ZNF512: variants seen among roughly 807,000 people sequenced by gnomAD.
ZNF512 encodes zinc finger protein 512.
ZNF512 carries 25 observed loss-of-function variants against 77.5 expected under a neutral mutation model. That is an observed-to-expected ratio of 0.32 (90% CI 0.23 to 0.45). The LOEUF is 0.45. Ranked by LOEUF, ZNF512 falls within the 20% of genes least tolerant of loss-of-function variation. The pLI, the probability that ZNF512 is intolerant of heterozygous loss-of-function variation, is 1.00. For synonymous variants in ZNF512, 246 were observed against 239.9 expected (o/e 1.03, Z -0.24); for missense variants, 483 against 692.6 (o/e 0.70, Z 3.40).
intron 2 of ZNF512, among the ~76,000 whole-genome samples, chr2:27,588,046 C>T (rs1431381817): frequency 6.6e-6 from 1 of 151,736 alleles, no homozygotes; most frequent in East Asian, 1.9e-4. Flanking sequence ...CATTTTTGTC[C>T]ATTAAAAAAA....
intron 2 of ZNF512, among the ~76,000 whole-genome samples, chr2:27,586,855 A>AT (rs1453837176): frequency 6.6e-6 from 1 of 152,038 alleles, no homozygotes; most frequent in African/African-American, 2.4e-5. Flanking sequence ...GTATGTTCTC[A>AT]TTTTTTTCAT....
chr2:27,599,942 T>G, intron 4 of ZNF512, 28 bp from the exon 5 acceptor site: 1 of 1,613,504 alleles, frequency 6.2e-7, no homozygotes, highest in East Asian at 2.2e-5. Flanking sequence ...GGTGACATGC[T>G]GGGCTTCAAG....
rs1275515797 is a variant in ZNF512, at chr2:27,617,390, T to C, written c.1297-83T>C. The stretch of plus-strand genomic sequence containing the variant: ...TTTGCTGAAGTAGAATTCCCTCTTT[T>C]CATCTCTAACAATCCCTACACATAG... On this transcript the variant is annotated intron_variant, in intron 12 of 13. Transcript: ENST00000355467. 5.5e-6 allele frequency: 4 copies of C among 720,980 alleles called. No homozygotes were observed. In the African/African-American group the frequency reaches 7.1e-5, roughly 13 times the overall value. The allele number at this position is 720,980 out of a possible 1,614,324, so 44.7% of individuals were successfully genotyped here. A position where few individuals can be genotyped will look rare whatever the true frequency, so the allele number is the denominator to read the frequency against.
intron 13 of ZNF512, among the ~76,000 whole-genome samples, chr2:27,620,075 ATATAATTTAAAATTTTC>A (rs1372260726): frequency 6.6e-6 from 1 of 152,174 alleles, no homozygotes; most frequent in East Asian, 1.9e-4. Flanking sequence ...TGAGCCATGT[ATATAATTTAAAATTTTC>A]TAGTAGCCAC....
chr2:27,599,730 C>T (rs1354536049), intron 4 of ZNF512, 52 bp downstream of exon 4: 1 of 1,525,386 alleles, frequency 6.6e-7, no homozygotes, highest in Admixed American at 1.7e-5. Context: ...GAGCTTTATT[C>T]TTTGAGGGTA....
At chr2:27,592,667 C>CTTTTCTT (rs1671642852) in intron 2 of ZNF512, among the ~76,000 whole-genome samples, 2 of 81,558 alleles carry the variant, frequency 2.5e-5, no homozygotes, top group Non-Finnish European at 4.7e-5. Context: ...CCATGTTTAC[C>CTTTTCTT]TTTTTTTTTT....
intron 10 of ZNF512, 83 bp downstream of exon 10, chr2:27,608,122 G>A: frequency 3.1e-6 from 4 of 1,306,644 alleles, no homozygotes; most frequent in Admixed American, 3.0e-5. Flanking sequence ...ATGCACTTGA[G>A]GAAGTACGTG....
At position 27,583,065 on chromosome 2, in the gene ZNF512, G is replaced by C; in HGVS notation, c.-48G>C. The C allele has an allele frequency of 1.9e-6, 3 of 1,613,364 alleles. No homozygotes were observed. The highest frequency in any genetic ancestry group is 2.5e-6 in the Non-Finnish European group (3 of 1,179,310). ...GGAGAGGAGAGCGGAAGTGGCGTTG[G>C]TCTGGCCGGAGCCCTTGGGTGAAAT... On this transcript the variant is annotated 5_prime_UTR_variant, in exon 1 of 14. Coordinates refer to ENST00000355467, the MANE Select transcript of ZNF512 (RefSeq NM_032434.4).
Position 27,600,728 on chromosome 2 carries a change from T to G in ZNF512, c.495T>G (p.Asp165Glu), listed in dbSNP as rs1267313175. The change falls in exon 6 of 14, where the codon GAT (aspartate) becomes GAG (glutamate). Residue 165 changes from aspartate to glutamate, a missense_variant. Transcript: ENST00000355467. The stretch of plus-strand genomic sequence containing the variant: ...AGCAATGGTACTTAGAAATCGTTGA[T>G]AAAGGCAGTGTCTCCTGCCCTACCT... ...LEEQWYLEIV[D>E]KGSVSCPTCQ... 6.2e-7 allele frequency: 1 copy of G among 1,613,862 alleles called. No homozygotes were observed. The highest frequency in any genetic ancestry group is 1.3e-5 in the African/African-American group (1 of 74,922).
intron 9 of ZNF512, among the ~76,000 whole-genome samples, chr2:27,603,592 T>TA (rs199787353): frequency 8.4e-5 from 3 of 35,748 alleles, no homozygotes; most frequent in African/African-American, 3.1e-4. Context: ...GTGTGTATAT[T>TA]TTTTTTTTTT....
chr2:27,620,477 T>A lies in ZNF512; in HGVS notation c.1396-676T>A, dbSNP rs189203345. ...GTATTCCTGTATTCTGGCCATTTCCTTTTTTGCTTTTTGTTGTTGTTGTTT... is the reference window on the plus strand; with the variant it reads ...GTATTCCTGTATTCTGGCCATTTCCATTTTTGCTTTTTGTTGTTGTTGTTT... On this transcript the variant is annotated intron_variant, in intron 13 of 13. Coordinates refer to ENST00000355467, the MANE Select transcript of ZNF512 (RefSeq NM_032434.4). Among the ~76,000 whole-genome samples the A allele has an allele frequency of 1.2e-4, 18 of 152,314 alleles. No individual in the cohort carries two copies. In the East Asian group the frequency reaches 3.5e-3, roughly 29 times the overall value.
At chr2:27,608,387 A>G (rs1264764772) in intron 10 of ZNF512, among the ~76,000 whole-genome samples, 1 of 152,158 alleles carries the variant, frequency 6.6e-6, no homozygotes. Flanking sequence ...TTTTGTAGTA[A>G]CAGAACTCCT....
chr2:27,591,383 G>A (rs1671573386), intron 2 of ZNF512, among the ~76,000 whole-genome samples: 1 of 151,954 alleles, frequency 6.6e-6, no homozygotes, highest in South Asian at 2.1e-4. Flanking sequence ...CACTCTTTTA[G>A]TTATTTAAAA....
chr2:27,603,573 A>AGTGTGTGTGTGTGTGTGTTTGTGT (rs11273312), intron 9 of ZNF512, among the ~76,000 whole-genome samples: 1 of 133,176 alleles, frequency 7.5e-6, no homozygotes, highest in Non-Finnish European at 1.5e-5. Context: ...ATTTTTATAT[A>AGTGTGTGTGTGTGTGTGTTTGTGT]GTGTGTGTGT....
intron 3 of ZNF512, 75 bp from the exon 4 acceptor site, chr2:27,599,508 T>A (rs1672023546): frequency 3.9e-6 from 4 of 1,037,442 alleles, no homozygotes; most frequent in Non-Finnish European, 6.0e-6. Flanking sequence ...TTGTGAATGA[T>A]GTTTTGAAGA....
At chr2:27,588,179 C>G (rs886362843) in intron 2 of ZNF512, among the ~76,000 whole-genome samples, 1 of 151,978 alleles carries the variant, frequency 6.6e-6, no homozygotes, top group African/African-American at 2.4e-5. Context: ...TTTTGAAGAG[C>G]AAAAGGTTTA....
intron 10 of ZNF512, among the ~76,000 whole-genome samples, chr2:27,613,199 C>T (rs2148040080): frequency 6.6e-6 from 1 of 151,942 alleles, no homozygotes; most frequent in Non-Finnish European, 1.5e-5. Flanking sequence ...CTTTATTTCA[C>T]TTAATAATAT....
At position 27,608,025 on chromosome 2, in the gene ZNF512, C is replaced by A. The variant is rs1672445570; in HGVS notation, c.1117C>A (p.Pro373Thr). 1 of 1,573,766 alleles carries A rather than the reference C, an allele frequency of 6.4e-7. No individual in the cohort carries two copies. ...PKRKVLQDLVPDDRKLKYTRP... is the reference protein window; with the variant it reads ...PKRKVLQDLVTDDRKLKYTRP... ...GAGGAAGGTGCTTCAGGACCTGGTA[C>A]CTGATGATCGAAAGGTAAGGCAGAA... Residue 373 changes from proline to threonine, a missense_variant, in exon 10 of 14, where the codon CCT becomes ACT. Physicochemically the swap from Pro to Thr is conservative, Grantham distance 38. Transcript: ENST00000355467.
intron 2 of ZNF512, 66 bp downstream of exon 2, chr2:27,583,782 C>T: frequency 1.3e-6 from 2 of 1,556,502 alleles, no homozygotes; most frequent in Non-Finnish European, 1.8e-6. Flanking sequence ...GAACTTCTTC[C>T]TGTGATGAAA....
Sources: gnomAD v4.1 joint callset for allele counts (sites outside exome capture counted in the v4.1 genomes callset) on GRCh38, gnomAD v4.1.1 for gene constraint, MANE v1.5 for transcripts, NCBI Gene and HGNC (gene_info 2026-07-23, HGNC 2026-07-21) for gene names.